Variants in PTPRN2 observed in about 807,000 individuals in gnomAD.
PTPRN2 encodes the protein protein tyrosine phosphatase receptor type N2, also known as receptor-type tyrosine-protein phosphatase N2.
A neutral mutation model predicts 118.8 loss-of-function variants in PTPRN2; 74 were observed. That is an observed-to-expected ratio of 0.62 (90% CI 0.52 to 0.76). PTPRN2 has a LOEUF of 0.76. Among genes scored for constraint, PTPRN2 ranks in the 30% least tolerant of loss-of-function variants. PTPRN2 has a pLI of 0.00. For missense variants in PTPRN2, 1,481 were observed against 1,394.4 expected (o/e 1.06, Z -0.99); for synonymous variants, 641 against 608.0 (o/e 1.05, Z -0.80).
intron 2 of PTPRN2, among the ~76,000 whole-genome samples, chr7:158,398,841 C>T (rs1812727472): frequency 6.6e-6 from 1 of 152,210 alleles, no homozygotes. Context: ...TGTTTCCAAG[C>T]TTACTTTCTC....
chr7:158,379,537 A>G (rs7806066), intron 2 of PTPRN2, among the ~76,000 whole-genome samples: 132,804 of 151,886 alleles, frequency 0.87, 58,577 homozygotes, highest in East Asian at 0.94. Context: ...GAAAGACAAA[A>G]ACAACTCCGA....
chr7:158,253,910 G>A (rs1303130292), intron 3 of PTPRN2, among the ~76,000 whole-genome samples: 1 of 107,910 alleles, frequency 9.3e-6, no homozygotes, highest in Non-Finnish European at 1.8e-5. Context: ...GGCACGACCC[G>A]CCCTCCATCT....
chr7:158,412,750 G>T (rs112795706), intron 2 of PTPRN2, among the ~76,000 whole-genome samples: 72 of 41,978 alleles, frequency 1.7e-3, no homozygotes, highest in Admixed American at 5.0e-3. Context: ...CCAGGGCCCA[G>T]CTCAGCACCC....
intron 3 of PTPRN2, among the ~76,000 whole-genome samples, chr7:158,299,987 G>A (rs530939227): frequency 2.6e-5 from 4 of 152,190 alleles, no homozygotes; most frequent in African/African-American, 4.8e-5. Flanking sequence ...CATGGGGTCA[G>A]AGCAGGCAAA....
At chr7:157,561,712 C>T (rs1799200139) in intron 21 of PTPRN2, among the ~76,000 whole-genome samples, 2 of 152,244 alleles carry the variant, frequency 1.3e-5, no homozygotes, top group South Asian at 4.1e-4. Flanking sequence ...TCCTGAGCCC[C>T]AGGACAGCCC....
At chr7:158,068,574 C>T (rs1369555821) in intron 11 of PTPRN2, among the ~76,000 whole-genome samples, 9 of 152,234 alleles carry the variant, frequency 5.9e-5, no homozygotes, top group East Asian at 1.9e-4. Context: ...CCACTGGAAC[C>T]GGGTGCCTAT....
intron 9 of PTPRN2, among the ~76,000 whole-genome samples, chr7:158,112,919 C>T (rs898462679): frequency 2.2e-4 from 34 of 152,110 alleles, no homozygotes; most frequent in East Asian, 1.4e-3. Flanking sequence ...GGGAGCTGTA[C>T]GACCAGAGGT....
intron 12 of PTPRN2, among the ~76,000 whole-genome samples, chr7:157,841,873 C>G (rs547048859): frequency 6.6e-6 from 1 of 150,868 alleles, no homozygotes; most frequent in South Asian, 2.1e-4. Context: ...GGCCTGCAGC[C>G]TGCAGGGGCC....
intron 16 of PTPRN2, among the ~76,000 whole-genome samples, chr7:157,602,987 T>C (rs1352892185): frequency 6.6e-6 from 1 of 152,246 alleles, no homozygotes; most frequent in Non-Finnish European, 1.5e-5. Context: ...GTCCTCATCC[T>C]TCCCTGAAGA....
At chr7:157,942,135 ACGCACAGGGG>A (rs1800173967) in intron 11 of PTPRN2, among the ~76,000 whole-genome samples, 1 of 121,654 alleles carries the variant, frequency 8.2e-6, no homozygotes, top group African/African-American at 3.4e-5. Context: ...TGCCTTCCAC[ACGCACAGGGG>A]TCCTCGGCCC....
At chr7:158,071,435 G>GGTGGTTGAGGTGCTC (rs1811602738) in intron 11 of PTPRN2, among the ~76,000 whole-genome samples, 1 of 41,350 alleles carries the variant, frequency 2.4e-5, no homozygotes, top group African/African-American at 1.1e-4. Flanking sequence ...AGGTGCTCGT[G>GGTGGTTGAGGTGCTC]GTGGTGGAGG....
intron 11 of PTPRN2, among the ~76,000 whole-genome samples, chr7:157,957,304 C>G (rs1801247345): frequency 6.6e-6 from 1 of 152,164 alleles, no homozygotes; most frequent in Non-Finnish European, 1.5e-5. Flanking sequence ...GCTTAGGAGA[C>G]ACGTATTTTT....
At chr7:158,388,775 G>A (rs776006295) in intron 2 of PTPRN2, among the ~76,000 whole-genome samples, 12 of 152,086 alleles carry the variant, frequency 7.9e-5, no homozygotes, top group Non-Finnish European at 1.2e-4. Context: ...AGCCAGCCAG[G>A]GCTCCCAGCC....
rs558780400 is a variant in PTPRN2, at chr7:158,577,359, G to A, written c.112+10199C>T. 8.7e-3 allele frequency among the ~76,000 whole-genome samples: 1,137 copies of A among 131,138 alleles called. 14 individuals are homozygous for A. Among genetic ancestry groups the A allele is most frequent in the African/African-American group, 0.032 (1,067 of 32,956 alleles). The allele number at this position is 131,138 out of a possible 152,430, so 86.0% of individuals were successfully genotyped here. On this transcript the variant is annotated intron_variant, in intron 1 of 22. Transcript: ENST00000389418. ...GCTGCCCACCCTGCCTGATGCCACA[G>A]ACAGCATGGGGCCTGCACAACACTG...
chr7:158,105,937 C>T (rs546489103), intron 10 of PTPRN2, among the ~76,000 whole-genome samples: 1 of 150,768 alleles, frequency 6.6e-6, no homozygotes, highest in African/African-American at 2.4e-5. Context: ...CTACTGTATA[C>T]CCAGCTCTAT....
chr7:158,081,254 A>G (rs753348613), intron 11 of PTPRN2, 44 bp downstream of exon 11: 8 of 1,524,640 alleles, frequency 5.2e-6, no homozygotes, highest in South Asian at 1.1e-5. Flanking sequence ...GTGTGTGTGC[A>G]CACACGTGTG....
intron 1 of PTPRN2, among the ~76,000 whole-genome samples, chr7:158,502,128 G>A (rs1822407043): frequency 1.3e-5 from 2 of 152,198 alleles, no homozygotes; most frequent in Non-Finnish European, 2.9e-5. Context: ...GATCTCAGCA[G>A]CTTCAAGCAC....
intron 3 of PTPRN2, among the ~76,000 whole-genome samples, chr7:158,245,334 A>T (rs1159116423): frequency 6.6e-6 from 1 of 152,244 alleles, no homozygotes. Context: ...GCCGGAATCC[A>T]CTGATGGTGC....
At chr7:157,879,636 A>C (rs1021174553) in intron 12 of PTPRN2, among the ~76,000 whole-genome samples, 2 of 151,868 alleles carry the variant, frequency 1.3e-5, no homozygotes, top group Non-Finnish European at 2.9e-5. Flanking sequence ...ACTCCCTTGC[A>C]TTAAACTCTG....
Sources: allele counts gnomAD v4.1 joint callset (sites outside exome capture counted in the v4.1 genomes callset), GRCh38; gene constraint gnomAD v4.1.1; transcripts MANE v1.5; gene names NCBI Gene and HGNC (gene_info 2026-07-23, HGNC 2026-07-21).